Variants in UNC79 observed in about 807,000 individuals in gnomAD.
UNC79 encodes the protein unc-79 subunit of NALCN channel complex, also known as protein unc-79 homolog.
A neutral mutation model predicts 283.1 loss-of-function variants in UNC79; 37 were observed. That is an observed-to-expected ratio of 0.13 (90% CI 0.10 to 0.17). The LOEUF (loss-of-function observed/expected upper bound fraction) is 0.17. Ranked by LOEUF, UNC79 falls within the 10% of genes least tolerant of loss-of-function variation. The pLI is 1.00. For synonymous variants in UNC79, 1,107 were observed against 1,200.2 expected, an observed-to-expected ratio of 0.92 and a Z score of 1.61; for missense variants, 2,272 against 3,211.1, an observed-to-expected ratio of 0.71 and a Z score of 7.07.
intron 14 of UNC79, among the ~76,000 whole-genome samples, chr14:93,553,432 A>G (rs1595847092): frequency 6.6e-6 from 1 of 152,222 alleles, no homozygotes; most frequent in African/African-American, 2.4e-5. Flanking sequence ...TTTTCCCTCT[A>G]TTCTAATGGC....
At chr14:93,457,156 T>C (rs576378197) in intron 1 of UNC79, among the ~76,000 whole-genome samples, 29 of 152,388 alleles carry the variant, frequency 1.9e-4, no homozygotes, top group Admixed American at 1.6e-3. Flanking sequence ...TGGCAATTTA[T>C]TCATTCATTT....
At chr14:93,539,506 G>A (rs1010093514) in intron 12 of UNC79, among the ~76,000 whole-genome samples, 3 of 151,650 alleles carry the variant, frequency 2.0e-5, no homozygotes, top group African/African-American at 4.8e-5. Flanking sequence ...GGGAGACAGA[G>A]CAAGACTCCG....
At chr14:93,609,557 G>C (rs74790655) in intron 26 of UNC79, among the ~76,000 whole-genome samples, 1 of 151,956 alleles carries the variant, frequency 6.6e-6, no homozygotes, top group African/African-American at 2.4e-5. Context: ...AAAATATAAC[G>C]TCAGACCCTT....
chr14:93,699,701 C>T (rs2075392663), intron 47 of UNC79, among the ~76,000 whole-genome samples: 1 of 152,116 alleles, frequency 6.6e-6, no homozygotes. Context: ...CTCCATTTCC[C>T]ACCTCCTGAC....
chr14:93,450,136 C>CG (rs931110142), intron 1 of UNC79, among the ~76,000 whole-genome samples: 1 of 151,976 alleles, frequency 6.6e-6, no homozygotes, highest in Non-Finnish European at 1.5e-5. Flanking sequence ...TTGTGTAGGC[C>CG]GGGGGACCTC....
At chr14:93,654,047 C>T (rs1398189113) in intron 37 of UNC79, 22 bp downstream of exon 40, 2 of 1,611,158 alleles carry the variant, frequency 1.2e-6, no homozygotes, top group Non-Finnish European at 1.7e-6. Context: ...TTAATGACAC[C>T]CTAAGCCCCA....
exon 30 of UNC79, chr14:93,622,016 T>A: frequency 6.2e-7 from 1 of 1,614,056 alleles, no homozygotes; most frequent in South Asian, 1.1e-5. Context: ...GAAAGTTGAC[T>A]CGCCGGTAAA....
chr14:93,398,266 G>A (rs1182402877), intron 1 of UNC79, among the ~76,000 whole-genome samples: 1 of 152,172 alleles, frequency 6.6e-6, no homozygotes, highest in Non-Finnish European at 1.5e-5. Context: ...CCAGCCAGGT[G>A]GGATGTTGCC....
intron 14 of UNC79, among the ~76,000 whole-genome samples, chr14:93,560,221 G>T (rs2062459735): frequency 6.6e-6 from 1 of 152,158 alleles, no homozygotes. Context: ...AGTGCCCAAG[G>T]GGGTTCAGCG....
chr14:93,418,047 T>G (rs567755943), intron 1 of UNC79, among the ~76,000 whole-genome samples: 1 of 151,930 alleles, frequency 6.6e-6, no homozygotes, highest in African/African-American at 2.4e-5. Context: ...TCCAGCTTTG[T>G]TCCGTTGCTG....
intron 18 of UNC79, among the ~76,000 whole-genome samples, chr14:93,579,923 T>C (rs1225965305): frequency 6.6e-6 from 1 of 152,228 alleles, no homozygotes; most frequent in East Asian, 1.9e-4. Context: ...TAATTCCAAT[T>C]GCTTCATCTT....
chr14:93,491,416 T>C (rs1035511315), intron 5 of UNC79, among the ~76,000 whole-genome samples: 2 of 152,162 alleles, frequency 1.3e-5, no homozygotes, highest in Non-Finnish European at 2.9e-5. Flanking sequence ...ATTTGGAATC[T>C]AGTTAATTAG....
chr14:93,622,491 C>T lies in UNC79; in HGVS notation c.5258C>T (p.Ser1753Leu), dbSNP rs137862877. The T allele has an allele frequency of 5.0e-4, 814 of 1,614,048 alleles. 6 individuals are homozygous for T. In the African/African-American group the frequency reaches 9.4e-3, roughly 19 times the overall value. Residue 1753 changes from serine (S) to leucine (L), a missense_variant, in exon 30 of 49, where the codon TCG becomes TTG. By Grantham distance (145) the Ser-to-Leu change is moderately radical. This residue lies in a region of UNC79 where 580 missense variants were observed against 632.2 expected (regional missense o/e 0.92). Transcript: ENST00000555664. Reference sequence around the variant, plus strand: ...CAAAAACGAGACCTCCTTCAGAAGTCGTTTGCTCTCCCCGAGATGTCGCTG... The same window carrying T: ...CAAAAACGAGACCTCCTTCAGAAGTTGTTTGCTCTCCCCGAGATGTCGCTG...
At position 93,520,430 on chromosome 14, in the gene UNC79, T is replaced by C. The variant is rs1229288681; in HGVS notation, c.899-3548T>C. 4.6e-5 allele frequency among the ~76,000 whole-genome samples: 7 copies of C among 152,078 alleles called. No individual in the cohort carries two copies. In the East Asian group the frequency reaches 1.3e-3, roughly 29 times the overall value. ...CCTAGGATTCATTGAGCTTCTTGGA[T>C]TTGGGGGTTGTTTTCATCAGACTTG... On this transcript the variant is annotated intron_variant, in intron 7 of 48. Transcript: ENST00000555664.
chr14:93,677,459 A>G (rs1328272054), intron 41 of UNC79, among the ~76,000 whole-genome samples: 1 of 152,208 alleles, frequency 6.6e-6, no homozygotes, highest in Non-Finnish European at 1.5e-5. Flanking sequence ...TCCCATTTAT[A>G]AAACCATCAG....
At chr14:93,699,921 C>T (rs2141034045) in intron 47 of UNC79, among the ~76,000 whole-genome samples, 1 of 152,196 alleles carries the variant, frequency 6.6e-6, no homozygotes, top group Non-Finnish European at 1.5e-5. Flanking sequence ...TTCATCTTTC[C>T]TTCTGCCCAA....
At chr14:93,446,876 AT>A (rs1393564802) in intron 1 of UNC79, among the ~76,000 whole-genome samples, 1 of 152,254 alleles carries the variant, frequency 6.6e-6, no homozygotes, top group Non-Finnish European at 1.5e-5. Flanking sequence ...CTATGTGCCA[AT>A]TGAAAACAAA....
chr14:93,416,404 G>C (rs1316490869), intron 1 of UNC79, among the ~76,000 whole-genome samples: 4 of 151,562 alleles, frequency 2.6e-5, no homozygotes, highest in African/African-American at 9.7e-5. Context: ...TATAATGTCT[G>C]ATCTTTTACA....
intron 26 of UNC79, among the ~76,000 whole-genome samples, chr14:93,612,383 T>C (rs2066376362): frequency 6.6e-6 from 1 of 152,242 alleles, no homozygotes; most frequent in Non-Finnish European, 1.5e-5. Context: ...GATTTTAGAC[T>C]ATAACGTTTT....
Sources: gnomAD v4.1 joint callset for allele counts (sites outside exome capture counted in the v4.1 genomes callset) on GRCh38, gnomAD v4.1.1 for gene constraint, gnomAD v4.1.1 regional missense constraint, MANE v1.5 for transcripts, NCBI Gene and HGNC (gene_info 2026-07-23, HGNC 2026-07-21) for gene names.